The following SLMAP variants were observed in gnomAD, a reference collection of about 807,000 sequenced individuals.
SLMAP encodes sarcolemmal membrane-associated protein.
Under a neutral mutation model 128.8 loss-of-function variants are expected in SLMAP, and 44 were observed. The observed-to-expected ratio is 0.34, with a 90% CI of 0.27 to 0.44. SLMAP has a LOEUF of 0.44. Among genes scored for constraint, SLMAP ranks in the 20% least tolerant of loss-of-function variants. The pLI, the probability that SLMAP is intolerant of heterozygous loss-of-function variation, is 1.00. For missense variants in SLMAP, 787 were observed against 985.3 expected (o/e 0.80, Z 2.69); for synonymous variants, 327 against 348.8 (o/e 0.94, Z 0.70).
intron 2 of SLMAP, among the ~76,000 whole-genome samples, chr3:57,765,003 A>G (rs2079392154): frequency 6.6e-6 from 1 of 152,236 alleles, no homozygotes; most frequent in Admixed American, 6.5e-5. Context: ...AGTTTAATGG[A>G]TGAAACAGTT....
chr3:57,893,604 A>T (rs1406624253), intron 15 of SLMAP, among the ~76,000 whole-genome samples: 1 of 152,174 alleles, frequency 6.6e-6, no homozygotes, highest in Non-Finnish European at 1.5e-5. Context: ...TACTTTTGCA[A>T]ATATACTTCC....
At chr3:57,860,861 T>TA in intron 9 of SLMAP, 22 bp downstream of exon 9, 1 of 1,528,346 alleles carries the variant, frequency 6.5e-7, no homozygotes, top group Non-Finnish European at 8.9e-7. Context: ...AAAAAAAAAA[T>TA]ACTAAATAGT....
At chr3:57,783,226 A>G (rs1452977630) in intron 2 of SLMAP, among the ~76,000 whole-genome samples, 7 of 152,190 alleles carry the variant, frequency 4.6e-5, no homozygotes, top group Non-Finnish European at 7.3e-5. Context: ...AGAAGGGGAA[A>G]CGTGTATCAA....
chr3:57,919,791 ATC>A (rs1036396615), intron 22 of SLMAP, among the ~76,000 whole-genome samples: 1 of 151,490 alleles, frequency 6.6e-6, no homozygotes, highest in Non-Finnish European at 1.5e-5. Context: ...GCGAAACTCC[ATC>A]TCAAAAAAAA....
chr3:57,914,560 A>G (rs1476241109), intron 21 of SLMAP, among the ~76,000 whole-genome samples: 1 of 152,006 alleles, frequency 6.6e-6, no homozygotes, highest in African/African-American at 2.4e-5. Context: ...AGATCTATAC[A>G]TATCTCATAT....
intron 2 of SLMAP, among the ~76,000 whole-genome samples, chr3:57,775,686 T>A (rs1009658560): frequency 2.6e-5 from 4 of 151,766 alleles, no homozygotes; most frequent in African/African-American, 4.8e-5. Context: ...CAAGACCCTA[T>A]CTCAAAAAAA....
chr3:57,839,310 A>G (rs1043064289), intron 3 of SLMAP, among the ~76,000 whole-genome samples: 12 of 152,090 alleles, frequency 7.9e-5, no homozygotes, highest in African/African-American at 2.9e-4. Flanking sequence ...TATTGAATAC[A>G]TGGTGTTAAA....
At chr3:57,875,235 C>T (rs769459628) in intron 14 of SLMAP, among the ~76,000 whole-genome samples, 7 of 151,998 alleles carry the variant, frequency 4.6e-5, no homozygotes, top group African/African-American at 1.7e-4. Context: ...CAAAGAACAG[C>T]GAAAAAAACC....
At chr3:57,824,594 T>G (rs1344136004) in intron 2 of SLMAP, among the ~76,000 whole-genome samples, 2 of 152,218 alleles carry the variant, frequency 1.3e-5, no homozygotes, top group Admixed American at 6.5e-5. Context: ...CTAGGTTCTA[T>G]TCCATTGATC....
intron 2 of SLMAP, among the ~76,000 whole-genome samples, chr3:57,778,205 A>T (rs1279175792): frequency 6.6e-6 from 1 of 152,262 alleles, no homozygotes; most frequent in South Asian, 2.1e-4. Context: ...TTCTTGAGTT[A>T]ACTTTGATAT....
intron 3 of SLMAP, among the ~76,000 whole-genome samples, chr3:57,839,816 A>G (rs2093835807): frequency 6.6e-6 from 1 of 151,898 alleles, no homozygotes; most frequent in Non-Finnish European, 1.5e-5. Flanking sequence ...CGGCCTCCCA[A>G]GGTGCTAGGA....
intron 10 of SLMAP, among the ~76,000 whole-genome samples, chr3:57,862,635 TCA>T: frequency 2.3e-5 from 1 of 42,766 alleles, no homozygotes; most frequent in African/African-American, 1.0e-4. Context: ...AGACTTCGTC[TCA>T]CAAAAAAAAA....
At chr3:57,773,256 A>G (rs1456034152) in intron 2 of SLMAP, among the ~76,000 whole-genome samples, 2 of 152,230 alleles carry the variant, frequency 1.3e-5, no homozygotes, top group African/African-American at 4.8e-5. Context: ...GTTGAACCTC[A>G]GTTAGACTGC....
intron 2 of SLMAP, among the ~76,000 whole-genome samples, chr3:57,788,889 T>C (rs1334262045): frequency 6.6e-6 from 1 of 151,938 alleles, no homozygotes; most frequent in Non-Finnish European, 1.5e-5. Context: ...GTGACAGTTC[T>C]GTACATGCAT....
At chr3:57,880,005 G>A (rs2095694458) in intron 14 of SLMAP, among the ~76,000 whole-genome samples, 1 of 151,898 alleles carries the variant, frequency 6.6e-6, no homozygotes, top group African/African-American at 2.4e-5. Context: ...CTTTATGGGA[G>A]AGGAAGGGAT....
At chr3:57,819,070 ATGAC>A (rs2092242617) in intron 2 of SLMAP, among the ~76,000 whole-genome samples, 1 of 152,178 alleles carries the variant, frequency 6.6e-6, no homozygotes. Context: ...TTCAGACAAA[ATGAC>A]TGTTTCATAA....
chr3:57,877,001 A>T (rs993212616), intron 14 of SLMAP, among the ~76,000 whole-genome samples: 1 of 152,110 alleles, frequency 6.6e-6, no homozygotes, highest in Admixed American at 6.5e-5. Context: ...TGGTAGAGTT[A>T]ATCAGTGCCC....
At chr3:57,875,719 A>G (rs765238133) in intron 14 of SLMAP, among the ~76,000 whole-genome samples, 4 of 152,188 alleles carry the variant, frequency 2.6e-5, no homozygotes, top group Non-Finnish European at 4.4e-5. Flanking sequence ...GGTATTTCAA[A>G]ACTTTCCAAA....
intron 2 of SLMAP, among the ~76,000 whole-genome samples, chr3:57,805,296 G>C (rs1037249571): frequency 3.3e-5 from 5 of 151,992 alleles, no homozygotes; most frequent in Admixed American, 3.3e-4. Flanking sequence ...TTCAAATGTG[G>C]ATACTTTTTA....
Sources: allele counts gnomAD v4.1 joint callset (sites outside exome capture counted in the v4.1 genomes callset), GRCh38; gene constraint gnomAD v4.1.1; transcripts MANE v1.5; gene names NCBI Gene and HGNC (gene_info 2026-07-23, HGNC 2026-07-21).